Variants in VRTN observed in about 807,000 individuals in gnomAD.
VRTN encodes the protein vertnin.
Under a neutral mutation model 18.2 loss-of-function variants are expected in VRTN, and 5 were observed. That is an observed-to-expected ratio of 0.27 (90% CI 0.14 to 0.58). VRTN has a LOEUF of 0.58. Among genes scored for constraint, VRTN ranks in the 20% least tolerant of loss-of-function variants. VRTN has a pLI of 0.91. For synonymous variants in VRTN, 381 were observed against 393.7 expected, an observed-to-expected ratio of 0.97 and a Z score of 0.38; for missense variants, 741 against 939.4, an observed-to-expected ratio of 0.79 and a Z score of 2.76.
At chr14:74,323,148 T>G (rs780121900) in intron 1 of VRTN, among the ~76,000 whole-genome samples, 1 of 151,694 alleles carries the variant, frequency 6.6e-6, no homozygotes, top group African/African-American at 2.4e-5. Flanking sequence ...AAAAGCATAC[T>G]GGGAATATTG....
intron 1 of VRTN, among the ~76,000 whole-genome samples, chr14:74,355,804 G>A (rs1216525665): frequency 1.3e-5 from 2 of 150,668 alleles, no homozygotes; most frequent in African/African-American, 4.9e-5. Flanking sequence ...GCCTCCCAAA[G>A]TGCATGAGCC....
At chr14:74,326,731 C>T (rs2085489877) in intron 1 of VRTN, among the ~76,000 whole-genome samples, 1 of 152,038 alleles carries the variant, frequency 6.6e-6, no homozygotes, top group South Asian at 2.1e-4. Context: ...ACAGCTGGAG[C>T]CGAGCTCCAC....
Position 74,358,959 on chromosome 14 carries a change from A to G in VRTN, c.*67A>G. 2.6e-6 allele frequency: 4 copies of G among 1,519,544 alleles called. No individual in the cohort carries two copies. The highest frequency in any genetic ancestry group is 3.5e-6 in the Non-Finnish European group (4 of 1,133,818). The allele number at this position is 1,519,544 out of a possible 1,614,324, so 94.1% of individuals were successfully genotyped here. ...TGGAGAGGGTCAGGGACCTGAGCTG[A>G]CCCCAGGCTTGGCCAGGATGTCCTT... On this transcript the variant is annotated 3_prime_UTR_variant, in exon 2 of 2. Transcript: ENST00000256362. This position sits in a 1 kb window ranked among gnomAD's most constrained non-coding sequence, Gnocchi z 5.4.
intron 1 of VRTN, among the ~76,000 whole-genome samples, chr14:74,322,082 A>G (rs1161513600): frequency 6.9e-6 from 1 of 145,476 alleles, no homozygotes; most frequent in African/African-American, 2.5e-5. Flanking sequence ...TCTTGACCTC[A>G]TGATCCACCT....
chr14:74,328,357 A>C (rs891914653), intron 1 of VRTN, among the ~76,000 whole-genome samples: 16 of 152,096 alleles, frequency 1.1e-4, no homozygotes, highest in African/African-American at 3.6e-4. Context: ...TTTCAGCCAC[A>C]ATACTCCCAA....
intron 1 of VRTN, among the ~76,000 whole-genome samples, chr14:74,312,587 A>G (rs1032059503): frequency 2.0e-5 from 3 of 151,826 alleles, no homozygotes; most frequent in Non-Finnish European, 4.4e-5. Flanking sequence ...AGTAGCTGGG[A>G]CTACAGGCAC....
intron 1 of VRTN, among the ~76,000 whole-genome samples, chr14:74,314,631 T>C (rs955012891): frequency 1.4e-4 from 22 of 152,076 alleles, no homozygotes; most frequent in South Asian, 2.1e-4. Context: ...CTCTATCTCC[T>C]GACCTCCATG....
At chr14:74,326,809 C>CA (rs397765421) in intron 1 of VRTN, among the ~76,000 whole-genome samples, 1 of 46 alleles carries the variant, frequency 0.022, no homozygotes, top group East Asian at 0.25. Flanking sequence ...ATGGCCACGG[C>CA]TCAGGCCCAC....
chr14:74,321,399 A>ATGG (rs1420852731), intron 1 of VRTN, among the ~76,000 whole-genome samples: 1 of 151,512 alleles, frequency 6.6e-6, no homozygotes, highest in Non-Finnish European at 1.5e-5. Context: ...CATGGAAAGG[A>ATGG]TGGGGTGGGG....
At chr14:74,320,807 G>C in intron 1 of VRTN, among the ~76,000 whole-genome samples, 1 of 142,240 alleles carries the variant, frequency 7.0e-6, no homozygotes. Context: ...AGGCAGGTCT[G>C]GACCTCCTGA....
At chr14:74,315,252 C>T (rs1230454381) in intron 1 of VRTN, among the ~76,000 whole-genome samples, 2 of 152,072 alleles carry the variant, frequency 1.3e-5, no homozygotes, top group Non-Finnish European at 2.9e-5. Flanking sequence ...CTCACTCTGT[C>T]GCCCAGGCTG....
chr14:74,334,598 T>A (rs2085551345), intron 1 of VRTN, among the ~76,000 whole-genome samples: 1 of 152,180 alleles, frequency 6.6e-6, no homozygotes, highest in South Asian at 2.1e-4. Flanking sequence ...AGAGAACTCA[T>A]AAAGAAGATA....
At chr14:74,324,230 T>C (rs2085473281) in intron 1 of VRTN, among the ~76,000 whole-genome samples, 1 of 151,246 alleles carries the variant, frequency 6.6e-6, no homozygotes, top group African/African-American at 2.4e-5. Context: ...CTACTAAAAA[T>C]ACAAAAAGTT....
At chr14:74,325,519 A>G (rs1283348509) in intron 1 of VRTN, among the ~76,000 whole-genome samples, 1 of 152,212 alleles carries the variant, frequency 6.6e-6, no homozygotes, top group Non-Finnish European at 1.5e-5. Context: ...AATAAGAACT[A>G]TAAATAGGCT....
At chr14:74,351,495 G>GTT (rs59810913) in intron 1 of VRTN, among the ~76,000 whole-genome samples, 1,629 of 89,660 alleles carry the variant, frequency 0.018, 60 homozygotes, top group African/African-American at 0.059. Context: ...TGATTACCAG[G>GTT]TTTTTTTTTT....
intron 1 of VRTN, among the ~76,000 whole-genome samples, chr14:74,325,657 C>G (rs1278081869): frequency 6.6e-6 from 1 of 151,900 alleles, no homozygotes; most frequent in Non-Finnish European, 1.5e-5. Context: ...GGAGTCCCAG[C>G]TACTCGGGAG....
intron 1 of VRTN, among the ~76,000 whole-genome samples, chr14:74,356,096 T>G (rs1356166119): frequency 2.0e-5 from 3 of 152,100 alleles, no homozygotes; most frequent in Non-Finnish European, 4.4e-5. Context: ...CCTCCCAAAG[T>G]GCTAAGATTA....
At chr14:74,337,861 C>T (rs1259122654) in exon 2 of VRTN, 1 of 152,156 alleles carries the variant, frequency 6.6e-6, no homozygotes, top group Non-Finnish European at 1.5e-5. Context: ...CTGCTTTTCC[C>T]TGAAGTGGGA....
At chr14:74,318,103 G>A (rs572063832) in intron 1 of VRTN, among the ~76,000 whole-genome samples, 1 of 152,196 alleles carries the variant, frequency 6.6e-6, no homozygotes, top group Admixed American at 6.5e-5. Flanking sequence ...TGGGCAGCAG[G>A]GTAAGAACCT....
Sources: gnomAD v4.1 joint callset for allele counts (sites outside exome capture counted in the v4.1 genomes callset) on GRCh38, gnomAD v4.1.1 for gene constraint, Gnocchi (gnomAD v3.1) non-coding constraint, MANE v1.5 for transcripts, NCBI Gene and HGNC (gene_info 2026-07-23, HGNC 2026-07-21) for gene names.